Variants in DYNC2H1 observed in about 807,000 individuals in gnomAD.
The protein encoded by DYNC2H1 is dynein cytoplasmic 2 heavy chain 1.
A neutral mutation model predicts 570.0 loss-of-function variants in DYNC2H1; 410 were observed. The observed-to-expected ratio is 0.72, with a 90% CI of 0.66 to 0.78. The LOEUF is 0.78. Ranked by LOEUF, DYNC2H1 falls within the 30% of genes least tolerant of loss-of-function variation. DYNC2H1 has a pLI of 0.00. For synonymous variants in DYNC2H1, 1,688 were observed against 1,677.6 expected (o/e 1.01, Z -0.15); for missense variants, 4,865 against 5,046.4 (o/e 0.96, Z 1.09).
chr11:103,383,599 G>A (rs547425178), intron 83 of DYNC2H1, among the ~76,000 whole-genome samples: 2 of 151,472 alleles, frequency 1.3e-5, no homozygotes, highest in Non-Finnish European at 1.5e-5. Flanking sequence ...TCAGCCTCCC[G>A]AGTAGCTGAG....
chr11:103,235,935 A>T (rs1864201827), intron 62 of DYNC2H1, 122 bp downstream of exon 62: 2 of 1,221,570 alleles, frequency 1.6e-6, no homozygotes, highest in African/African-American at 3.1e-5. Flanking sequence ...AAATGGGGGA[A>T]ATTTTATATG....
At position 103,220,852 on chromosome 11, in the gene DYNC2H1, ATTTC is replaced by A. The variant is rs1249897307; in HGVS notation, c.9107+72_9107+75del. ...GACACATTCTTTCGTAGTTTTAAAT[ATTTC>A]TTATATTGTTTTTCAAAATGCACTT... On this transcript the variant is annotated intron_variant, in intron 57 of 88. Transcript: ENST00000375735. The A allele has an allele frequency of 4.2e-6, 6 of 1,428,002 alleles. No homozygotes were observed. The Admixed American group carries it at 1.1e-4, about 27-fold the overall frequency. The allele number at this position is 1,428,002 out of a possible 1,614,324, so 88.5% of individuals were successfully genotyped here.
intron 84 of DYNC2H1, among the ~76,000 whole-genome samples, chr11:103,426,965 C>A (rs1244020407): frequency 6.6e-6 from 1 of 151,980 alleles, no homozygotes; most frequent in Non-Finnish European, 1.5e-5. Context: ...TGTGTTGTTT[C>A]TTGTTACGGC....
chr11:103,242,068 A>G (rs901613147), intron 63 of DYNC2H1, among the ~76,000 whole-genome samples: 6 of 151,966 alleles, frequency 3.9e-5, no homozygotes, highest in African/African-American at 1.2e-4. Flanking sequence ...TCTCCTGGGC[A>G]TGTGTTCCAA....
At position 103,261,315 on chromosome 11, in the gene DYNC2H1, A is replaced by G. The variant is rs966416755; in HGVS notation, c.10695+1338A>G. On this transcript the variant is annotated intron_variant, in intron 70 of 88. Transcript: ENST00000375735. This position sits in a 1 kb window ranked among gnomAD's most constrained non-coding sequence, Gnocchi z 4.8. ...CCCACCTGCTGGCTCTGAAGAGAGC[A>G]TCGGATCTCCAACACAGAGCTTGAG... is the stretch of plus-strand genomic sequence containing the variant. Among the ~76,000 whole-genome samples, 63 of 152,340 alleles carry G rather than the reference A, an allele frequency of 4.1e-4. No homozygotes were observed. Among genetic ancestry groups the G allele is most frequent in the African/African-American group, 1.5e-3 (62 of 41,586 alleles).
At position 103,429,312 on chromosome 11, in the gene DYNC2H1, G is replaced by A. The variant is rs574325724; in HGVS notation, c.12367-6631G>A. Among the ~76,000 whole-genome samples the A allele has an allele frequency of 7.2e-5, 11 of 152,064 alleles. No homozygotes were observed. The South Asian group carries it at 2.3e-3, about 32-fold the overall frequency. ...GAGGTTAGTTTTTCATAGAAAGCAA[G>A]TAATAGAAGATCCTCTTTGAGAAGG... On this transcript the variant is annotated intron_variant, in intron 84 of 88. Coordinates refer to ENST00000375735, the MANE Select transcript of DYNC2H1 (RefSeq NM_001377.3).
At chr11:103,478,590 CTATT>C (rs1191759504) in intron 88 of DYNC2H1, among the ~76,000 whole-genome samples, 1 of 152,154 alleles carries the variant, frequency 6.6e-6, no homozygotes. Flanking sequence ...ATATGGGAAA[CTATT>C]TGGTATAGTT....
chr11:103,148,227 A>G (rs1267674805), intron 19 of DYNC2H1, among the ~76,000 whole-genome samples: 4 of 152,202 alleles, frequency 2.6e-5, no homozygotes, highest in Non-Finnish European at 4.4e-5. Flanking sequence ...TATGTTGTAT[A>G]AAAGACGAAA....
rs1266122434 is a variant in DYNC2H1, at chr11:103,298,229, C to G, written c.11096-4864C>G. Among the ~76,000 whole-genome samples, 3 of 152,002 alleles carry G rather than the reference C, an allele frequency of 2.0e-5. No individual in the cohort carries two copies. The East Asian group carries it at 5.8e-4, about 29-fold the overall frequency. ...TCTTTTTCTTGTTTTTTTTACTGCT[C>G]TAAGTATGTTTCTGGAATATCAGAA... On this transcript the variant is annotated intron_variant, in intron 75 of 88. Transcript: ENST00000375735.
At chr11:103,159,215 G>A (rs1455911913) in intron 28 of DYNC2H1, among the ~76,000 whole-genome samples, 188 bp downstream of exon 28, 5 of 152,132 alleles carry the variant, frequency 3.3e-5, no homozygotes, top group Admixed American at 6.6e-5. Context: ...ATAATACAGT[G>A]TGACAATTCT....
At chr11:103,212,481 T>A (rs767348641) in intron 54 of DYNC2H1, among the ~76,000 whole-genome samples, 6 of 152,030 alleles carry the variant, frequency 3.9e-5, no homozygotes, top group Non-Finnish European at 8.8e-5. Flanking sequence ...GAAAACCCTG[T>A]TATTAACTGA....
At chr11:103,167,878 T>C (rs1489783610) in intron 31 of DYNC2H1, among the ~76,000 whole-genome samples, 1 of 152,186 alleles carries the variant, frequency 6.6e-6, no homozygotes, top group Non-Finnish European at 1.5e-5. Context: ...TGCAGTGCTA[T>C]TTCAGTCTGT....
At chr11:103,238,517 C>T (rs1288129470) in intron 63 of DYNC2H1, among the ~76,000 whole-genome samples, 2 of 151,414 alleles carry the variant, frequency 1.3e-5, no homozygotes, top group African/African-American at 2.4e-5. Context: ...TGTAGTGAGC[C>T]GAGATCACAC....
chr11:103,341,178 G>A (rs4754067), intron 82 of DYNC2H1, among the ~76,000 whole-genome samples: 32,997 of 152,014 alleles, frequency 0.22, 3,717 homozygotes, highest in Admixed American at 0.31. Context: ...CTTCTTTATG[G>A]AATCGATTCA....
intron 84 of DYNC2H1, among the ~76,000 whole-genome samples, chr11:103,428,202 A>ATTTTTTG (rs1177489738): frequency 7.8e-6 from 1 of 128,202 alleles, no homozygotes; most frequent in African/African-American, 3.4e-5. Context: ...TTTTTTTTTC[A>ATTTTTTG]GAATATCTGA....
intron 83 of DYNC2H1, among the ~76,000 whole-genome samples, chr11:103,388,678 A>AT (rs1461354761): frequency 6.8e-6 from 1 of 147,932 alleles, no homozygotes. Flanking sequence ...ATGTCCCATC[A>AT]ATACCTAATT....
chr11:103,358,446 G>A (rs1300574101), intron 83 of DYNC2H1, 87 bp downstream of exon 83: 3 of 845,686 alleles, frequency 3.5e-6, no homozygotes, highest in Admixed American at 2.1e-5. Context: ...AGTCATACAA[G>A]TAATCACATT....
intron 87 of DYNC2H1, 91 bp downstream of exon 87, chr11:103,456,447 T>G (rs1316385099): frequency 6.0e-6 from 6 of 992,634 alleles, no homozygotes; most frequent in South Asian, 1.6e-5. Flanking sequence ...TGACCTATCT[T>G]TATAGTGTAA....
At chr11:103,342,507 C>T (rs1939509666) in intron 82 of DYNC2H1, among the ~76,000 whole-genome samples, 2 of 134,220 alleles carry the variant, frequency 1.5e-5, no homozygotes, top group South Asian at 5.1e-4. Flanking sequence ...GTCTGTGCCA[C>T]CTTTTTTTTT....
Sources: allele counts gnomAD v4.1 joint callset (sites outside exome capture counted in the v4.1 genomes callset), GRCh38; gene constraint gnomAD v4.1.1; non-coding constraint Gnocchi (gnomAD v3.1); transcripts MANE v1.5; gene names NCBI Gene and HGNC (gene_info 2026-07-23, HGNC 2026-07-21).